The following CEP112 variants were observed in gnomAD, a reference collection of about 807,000 sequenced individuals.
The protein encoded by CEP112 is centrosomal protein 112, also known as centrosomal protein of 112 kDa.
Under a neutral mutation model 153.0 loss-of-function variants are expected in CEP112, and 127 were observed. That is an observed-to-expected ratio of 0.83 (90% CI 0.72 to 0.96). The LOEUF is 0.96. Ranked by LOEUF, CEP112 falls within the 40% of genes least tolerant of loss-of-function variation. CEP112 has a pLI of 0.00. For synonymous variants in CEP112, 358 were observed against 374.4 expected, an observed-to-expected ratio of 0.96 and a Z score of 0.51; for missense variants, 1,089 against 1,101.2, an observed-to-expected ratio of 0.99 and a Z score of 0.16.
At chr17:65,905,972 C>G (rs2060063450) in intron 19 of CEP112, among the ~76,000 whole-genome samples, 1 of 151,730 alleles carries the variant, frequency 6.6e-6, no homozygotes, top group South Asian at 2.1e-4. Context: ...CACATGCACA[C>G]TTATGTTTAT....
chr17:66,130,127 A>G (rs930808147), intron 5 of CEP112, among the ~76,000 whole-genome samples: 1 of 152,132 alleles, frequency 6.6e-6, no homozygotes, highest in Non-Finnish European at 1.5e-5. Flanking sequence ...CTCAGAGGAA[A>G]GGATTAGGTT....
intron 12 of CEP112, among the ~76,000 whole-genome samples, chr17:66,046,199 C>T (rs71379952): frequency 0.34 from 50,968 of 151,900 alleles, 9,849 homozygotes; most frequent in Non-Finnish European, 0.45. Flanking sequence ...CATGCTGCCA[C>T]GCCCGGCTAA....
chr17:66,084,045 G>GA (rs949484639), intron 8 of CEP112, among the ~76,000 whole-genome samples: 1 of 152,136 alleles, frequency 6.6e-6, no homozygotes, highest in Non-Finnish European at 1.5e-5. Flanking sequence ...GAAGCCTAGA[G>GA]AAAAGGCTGA....
At chr17:66,099,832 C>A (rs185518063) in intron 6 of CEP112, among the ~76,000 whole-genome samples, 4 of 152,262 alleles carry the variant, frequency 2.6e-5, no homozygotes, top group African/African-American at 9.6e-5. Context: ...GTAATACAGG[C>A]TTCCTTTTGA....
intron 24 of CEP112, among the ~76,000 whole-genome samples, chr17:65,684,346 G>C (rs931617592): frequency 6.6e-6 from 1 of 152,038 alleles, no homozygotes; most frequent in African/African-American, 2.4e-5. Context: ...ATCCTTCTGG[G>C]AAACTGAGTG....
Position 65,864,034 on chromosome 17 carries a change from G to A in CEP112, c.2164-12000C>T, listed in dbSNP as rs539625449. Among the ~76,000 whole-genome samples, 144 of 151,896 alleles carry A rather than the reference G, an allele frequency of 9.5e-4. 1 individual carries two copies. The highest frequency in any genetic ancestry group is 3.1e-3 in the African/African-American group (128 of 41,402). Reference sequence around the variant, plus strand: ...CACGCACCTGTAGTCCCAGCTACTCGGGAGGCTGAGGCAGGAGAATCGCTT... The same window carrying A: ...CACGCACCTGTAGTCCCAGCTACTCAGGAGGCTGAGGCAGGAGAATCGCTT... On this transcript the variant is annotated intron_variant, in intron 20 of 26. Coordinates refer to ENST00000535342, the MANE Select transcript of CEP112 (RefSeq NM_001199165.4).
chr17:66,156,582 C>CT (rs2071449991), intron 4 of CEP112, among the ~76,000 whole-genome samples: 1 of 152,102 alleles, frequency 6.6e-6, no homozygotes, highest in Non-Finnish European at 1.5e-5. Context: ...TAACAAACTC[C>CT]TCTGAGCTAA....
chr17:65,824,451 G>A (rs931692429), intron 21 of CEP112, among the ~76,000 whole-genome samples: 1 of 152,224 alleles, frequency 6.6e-6, no homozygotes, highest in East Asian at 1.9e-4. Flanking sequence ...TGTTTGAGGT[G>A]ATGGAACTGT....
intron 21 of CEP112, among the ~76,000 whole-genome samples, chr17:65,771,231 T>C (rs1323190388): frequency 1.3e-5 from 2 of 152,198 alleles, no homozygotes; most frequent in Non-Finnish European, 2.9e-5. Context: ...AGTCAACATA[T>C]GAATATCAAA....
At chr17:66,047,528 T>C (rs1445896713) in intron 12 of CEP112, among the ~76,000 whole-genome samples, 1 of 152,270 alleles carries the variant, frequency 6.6e-6, no homozygotes, top group Non-Finnish European at 1.5e-5. Flanking sequence ...TTTTTTCTTT[T>C]TCATCATCTC....
At chr17:65,950,115 A>G (rs918685994) in intron 18 of CEP112, among the ~76,000 whole-genome samples, 1 of 152,202 alleles carries the variant, frequency 6.6e-6, no homozygotes, top group Non-Finnish European at 1.5e-5. Context: ...ACAACTTTAC[A>G]TGCCCAGCAG....
At chr17:65,985,620 T>C (rs1160296055) in intron 17 of CEP112, among the ~76,000 whole-genome samples, 1 of 152,210 alleles carries the variant, frequency 6.6e-6, no homozygotes, top group Non-Finnish European at 1.5e-5. Context: ...TATTCAATGG[T>C]GTGAAAAATC....
intron 4 of CEP112, among the ~76,000 whole-genome samples, chr17:66,169,580 G>A (rs1262367302): frequency 1.3e-5 from 2 of 151,904 alleles, no homozygotes; most frequent in Non-Finnish European, 1.5e-5. Context: ...CACCGCACCC[G>A]GCCTGTAATT....
intron 17 of CEP112, among the ~76,000 whole-genome samples, chr17:65,998,186 G>A (rs1474430060): frequency 6.6e-6 from 1 of 151,700 alleles, no homozygotes; most frequent in East Asian, 1.9e-4. Flanking sequence ...TTTGAGACCA[G>A]CCTGGGCAAA....
intron 21 of CEP112, among the ~76,000 whole-genome samples, chr17:65,827,708 T>TA (rs911553703): frequency 2.6e-5 from 4 of 152,188 alleles, no homozygotes; most frequent in Non-Finnish European, 5.9e-5. Context: ...GGAATGCCTC[T>TA]AATGTCTTTT....
chr17:65,787,704 T>G (rs2054353629), intron 21 of CEP112, among the ~76,000 whole-genome samples: 1 of 152,186 alleles, frequency 6.6e-6, no homozygotes, highest in Non-Finnish European at 1.5e-5. Flanking sequence ...CACTTTCTAT[T>G]TTGCTGTGTT....
chr17:65,666,159 G>T (rs1233575902), intron 24 of CEP112, among the ~76,000 whole-genome samples: 1 of 152,180 alleles, frequency 6.6e-6, no homozygotes, highest in African/African-American at 2.4e-5. Flanking sequence ...CGAACTCTGG[G>T]AGCTCCCTGA....
At chr17:65,673,755 T>C (rs909178098) in intron 24 of CEP112, among the ~76,000 whole-genome samples, 1 of 152,218 alleles carries the variant, frequency 6.6e-6, no homozygotes, top group Non-Finnish European at 1.5e-5. Context: ...AGATAGAAGG[T>C]AATCTTCTCA....
chr17:65,689,540 A>C (rs1056545673), intron 23 of CEP112, among the ~76,000 whole-genome samples: 4 of 152,236 alleles, frequency 2.6e-5, no homozygotes, highest in African/African-American at 9.6e-5. Flanking sequence ...TATTGCAATG[A>C]AAATGGCTCC....
Sources: allele counts gnomAD v4.1 joint callset (sites outside exome capture counted in the v4.1 genomes callset), GRCh38; gene constraint gnomAD v4.1.1; transcripts MANE v1.5; gene names NCBI Gene and HGNC (gene_info 2026-07-23, HGNC 2026-07-21).